RASGRP1: variants seen among roughly 807,000 people sequenced by gnomAD.
RASGRP1 encodes the protein RAS guanyl releasing protein 1.
In RASGRP1, 37 loss-of-function variants were observed where a neutral mutation model predicts 95.1. That is an observed-to-expected ratio of 0.39 (90% confidence interval 0.30 to 0.51). The LOEUF is 0.51. RASGRP1 is among the 20% of genes least tolerant of loss of function. The probability of loss-of-function intolerance (pLI) is 0.80; values close to 1 mark genes in which losing one functional copy is unlikely to be tolerated. For synonymous variants in RASGRP1, 325 were observed against 353.4 expected, an observed-to-expected ratio of 0.92 and a Z score of 0.90; for missense variants, 711 against 965.4, an observed-to-expected ratio of 0.74 and a Z score of 3.49.
In RASGRP1 at chr15:38,522,246, A is replaced by T. The variant is rs908764486; in HGVS notation, c.327-2875T>A. On this transcript the variant is annotated intron_variant, in intron 3 of 16. Transcript: ENST00000310803. ...TAAAATACAAAAATATATCTTTCTTAATTTGTAATTCAATCAATTTTTCAG... is the reference window on the plus strand; with the variant it reads ...TAAAATACAAAAATATATCTTTCTTTATTTGTAATTCAATCAATTTTTCAG... Among the ~76,000 whole-genome samples the T allele has an allele frequency of 2.0e-4, 31 of 152,208 alleles. 1 individual carries two copies. The highest frequency in any genetic ancestry group is 7.2e-4 in the African/African-American group (30 of 41,454).
intron 11 of RASGRP1, chr15:38,503,012 T>C: frequency 3.8e-6 from 2 of 523,698 alleles, no homozygotes; most frequent in South Asian, 5.3e-5. Context: ...ACTTCTGTAC[T>C]CCTAAATCAA....
At chr15:38,524,248 AG>A (rs1163873287) in intron 3 of RASGRP1, 1 of 152,166 alleles carries the variant, frequency 6.6e-6, no homozygotes, top group Non-Finnish European at 1.5e-5. Context: ...AAAAAAGGAA[AG>A]GTTTAAGTTA....
chr15:38,550,023 C>A (rs973575260), intron 2 of RASGRP1, among the ~76,000 whole-genome samples: 11 of 151,866 alleles, frequency 7.2e-5, no homozygotes, highest in Non-Finnish European at 1.2e-4. Flanking sequence ...TTTGAGAGGA[C>A]GAGGCAGGTG....
intron 2 of RASGRP1, among the ~76,000 whole-genome samples, chr15:38,541,583 C>T (rs1315738782): frequency 6.6e-6 from 1 of 152,146 alleles, no homozygotes; most frequent in African/African-American, 2.4e-5. Context: ...TAGAGCAAGA[C>T]CCTGTCATTT....
chr15:38,500,183 C>G (rs370168517), intron 13 of RASGRP1, 44 bp from the exon 14 acceptor site: 16 of 1,599,230 alleles, frequency 1.0e-5, no homozygotes, highest in Admixed American at 1.7e-5. Flanking sequence ...ATTCATCCAT[C>G]TGGTGTGAGG....
chr15:38,549,657 C>T (rs1445533572), intron 2 of RASGRP1, among the ~76,000 whole-genome samples: 1 of 152,170 alleles, frequency 6.6e-6, no homozygotes, highest in African/African-American at 2.4e-5. Flanking sequence ...CTGCTTCCCT[C>T]TTCCCCTCTG....
chr15:38,551,336 T>C (rs146491836), intron 2 of RASGRP1, among the ~76,000 whole-genome samples: 6 of 152,324 alleles, frequency 3.9e-5, no homozygotes, highest in African/African-American at 9.6e-5. Flanking sequence ...CCAGACACTT[T>C]AAGTCTCAGA....
At chr15:38,512,716 C>G (rs1891585034) in intron 7 of RASGRP1, 67 bp downstream of exon 7, 1 of 1,582,326 alleles carries the variant, frequency 6.3e-7, no homozygotes, top group African/African-American at 1.3e-5. Context: ...ATAGACTAAG[C>G]TGGAGGAAAA....
chr15:38,546,577 G>C, intron 2 of RASGRP1, among the ~76,000 whole-genome samples: 1 of 152,124 alleles, frequency 6.6e-6, no homozygotes, highest in Admixed American at 6.5e-5. Flanking sequence ...CAATCCAGGG[G>C]AAGTATCTAC....
chr15:38,555,458 C>T (rs986757179), intron 2 of RASGRP1, among the ~76,000 whole-genome samples: 7 of 152,156 alleles, frequency 4.6e-5, no homozygotes, highest in Non-Finnish European at 1.0e-4. Context: ...GCAGCCCTGT[C>T]CTATGTGGCA....
At chr15:38,501,964 C>A (rs1363972943) in intron 12 of RASGRP1, among the ~76,000 whole-genome samples, 1 of 151,842 alleles carries the variant, frequency 6.6e-6, no homozygotes, top group East Asian at 1.9e-4. Flanking sequence ...AAACAACTCT[C>A]CTGCCTCAGC....
At chr15:38,530,239 T>C (rs986492242) in intron 2 of RASGRP1, among the ~76,000 whole-genome samples, 22 of 152,164 alleles carry the variant, frequency 1.4e-4, no homozygotes, top group South Asian at 2.1e-4. Context: ...GGTTATCTCA[T>C]GATGATGGCA....
intron 11 of RASGRP1, chr15:38,502,728 C>T (rs1891087118): frequency 3.7e-6 from 1 of 269,490 alleles, no homozygotes; most frequent in Non-Finnish European, 7.1e-6. Context: ...CCCTTTTTTT[C>T]ATCACTCAGC....
At chr15:38,515,817 G>A (rs1891744160) in intron 6 of RASGRP1, among the ~76,000 whole-genome samples, 1 of 133,128 alleles carries the variant, frequency 7.5e-6, no homozygotes, top group Non-Finnish European at 1.6e-5. Flanking sequence ...ATTTTAAAAA[G>A]AGTTGTTGAA....
At chr15:38,504,310 TTTAA>T (rs1247235487) in intron 10 of RASGRP1, 4 of 152,144 alleles carry the variant, frequency 2.6e-5, no homozygotes, top group Non-Finnish European at 5.9e-5. Context: ...TGTAAAAGCT[TTTAA>T]TTTTTTTAAC....
At position 38,500,260 on chromosome 15, in the gene RASGRP1, T is replaced by C; in HGVS notation, c.1684-121A>G. The stretch of plus-strand genomic sequence containing the variant: ...TAGCTCAAGTGGGAAGGAAACCTCA[T>C]TTATCTCTCATGTCTTGTCCCTTCT... On this transcript the variant is annotated intron_variant, in intron 13 of 16. Coordinates refer to ENST00000310803, the MANE Select transcript of RASGRP1 (RefSeq NM_005739.4). The C allele has an allele frequency of 4.3e-6, 4 of 932,724 alleles. No individual in the cohort carries two copies. The East Asian group carries it at 9.7e-5, about 23-fold the overall frequency. 57.8% of individuals were successfully genotyped at this position (932,724 alleles called of 1,614,324 possible).
Position 38,544,064 on chromosome 15 carries a change from T to C in RASGRP1, c.220+15757A>G, listed in dbSNP as rs570085605. Among the ~76,000 whole-genome samples the C allele has an allele frequency of 2.6e-5, 4 of 152,316 alleles. No individual in the cohort carries two copies. The South Asian group carries it at 8.3e-4, about 32-fold the overall frequency. Reference sequence around the variant, plus strand: ...TCATGGGACCTTAAATTAATCCTGTTGAAGCTCAGATTTAGGCTTCATTAG... The same window carrying C: ...TCATGGGACCTTAAATTAATCCTGTCGAAGCTCAGATTTAGGCTTCATTAG... On this transcript the variant is annotated intron_variant, in intron 2 of 16. Coordinates refer to ENST00000310803, the MANE Select transcript of RASGRP1 (RefSeq NM_005739.4).
intron 2 of RASGRP1, among the ~76,000 whole-genome samples, chr15:38,542,673 C>T (rs1187391521): frequency 6.6e-6 from 1 of 151,462 alleles, no homozygotes; most frequent in East Asian, 1.9e-4. Flanking sequence ...TTACAGACTC[C>T]TTGATGGGGC....
chr15:38,502,120 G>A (rs1393075840), intron 12 of RASGRP1, among the ~76,000 whole-genome samples, 192 bp downstream of exon 12: 1 of 152,176 alleles, frequency 6.6e-6, no homozygotes, highest in Non-Finnish European at 1.5e-5. Flanking sequence ...CTCCCAAAGT[G>A]TTGGGATTAC....
Sources: allele counts gnomAD v4.1 joint callset (sites outside exome capture counted in the v4.1 genomes callset), GRCh38; gene constraint gnomAD v4.1.1; transcripts MANE v1.5; gene names NCBI Gene and HGNC (gene_info 2026-07-23, HGNC 2026-07-21).